The following AGO1 variants were observed in gnomAD, a reference collection of about 807,000 sequenced individuals.
AGO1 encodes argonaute RISC component 1.
AGO1 carries 11 observed loss-of-function variants against 109.2 expected under a neutral mutation model. That is an observed-to-expected ratio of 0.10 (90% CI 0.06 to 0.17). The LOEUF (loss-of-function observed/expected upper bound fraction) is 0.17. AGO1 is among the 10% of genes least tolerant of loss of function. The probability of loss-of-function intolerance (pLI) is 1.00; values close to 1 mark genes in which losing one functional copy is unlikely to be tolerated. For missense variants in AGO1, 574 were observed against 1,140.3 expected (o/e 0.50, Z 7.15); for synonymous variants, 422 against 418.6 (o/e 1.01, Z -0.10).
chr1:35,894,488 C>T, intron 7 of AGO1, 86 bp downstream of exon 7: 1 of 1,355,308 alleles, frequency 7.4e-7, no homozygotes, highest in Non-Finnish European at 1.0e-6. Flanking sequence ...CCCTCCCCCA[C>T]TGGCCTTGAG....
chr1:35,914,041 A>C, intron 13 of AGO1, 40 bp downstream of exon 13: 1 of 1,612,096 alleles, frequency 6.2e-7, no homozygotes, highest in Non-Finnish European at 8.5e-7. Flanking sequence ...TCAAGGTACC[A>C]TGCTGGGAAT....
intron 14 of AGO1, among the ~76,000 whole-genome samples, chr1:35,914,539 C>T (rs539417742): frequency 4.6e-5 from 7 of 152,128 alleles, no homozygotes; most frequent in Admixed American, 6.5e-5. Flanking sequence ...TCTTTCTTTC[C>T]CCATGCCTGC....
chr1:35,893,241 G>A lies in AGO1; in HGVS notation c.475G>A (p.Ala159Thr), dbSNP rs1275859576. 6.2e-7 allele frequency: 1 copy of A among 1,614,076 alleles called. No individual in the cohort carries two copies. Among genetic ancestry groups the A allele is most frequent in the South Asian group, 1.1e-5 (1 of 91,090 alleles). The change falls in exon 4 of 19, where the codon GCC becomes ACC. Residue 159 changes from alanine to threonine, a missense_variant. By Grantham distance (58) the Ala-to-Thr change is moderately conservative. Around this residue, in one of 8 missense-constraint regions of AGO1, gnomAD observed 129 missense variants for 243.0 expected, o/e 0.53. Transcript: ENST00000373204. The surrounding 1 kb of genome is among the most constrained non-coding windows in gnomAD (Gnocchi z 5.6). ...QIPVPLESVQ[A>T]LDVAMRHLAS... ...CCCTGTTCCCTTGGAGTCTGTGCAA[G>A]CCCTGGATGTGGCCATGAGGCACCT...
chr1:35,904,379 A>C lies in AGO1; in HGVS notation c.1397+2042A>C, dbSNP rs117154285. Among the ~76,000 whole-genome samples, 15 of 152,286 alleles carry C rather than the reference A, an allele frequency of 9.8e-5. No individual in the cohort carries two copies. The East Asian group carries it at 2.9e-3, about 29-fold the overall frequency. ...CTCGGCCTTCCAAAGTACTGGGATC[A>C]CAGGCGTGAGCCATCGTGCCTGGCC... On this transcript the variant is annotated intron_variant, in intron 11 of 18. Coordinates refer to ENST00000373204, the MANE Select transcript of AGO1 (RefSeq NM_012199.5).
At chr1:35,918,570 C>T (rs553957640) in intron 17 of AGO1, 147 bp downstream of exon 17, 24 of 769,186 alleles carry the variant, frequency 3.1e-5, no homozygotes, top group Middle Eastern at 5.4e-4. Context: ...TGTTTTGAGG[C>T]GGAGTCTCAC....
chr1:35,903,131 C>T (rs910660815), intron 11 of AGO1, among the ~76,000 whole-genome samples: 5 of 151,566 alleles, frequency 3.3e-5, no homozygotes, highest in South Asian at 2.1e-4. Context: ...CTCAGCCTCC[C>T]GAGTAGCTGG....
rs201645326 is a variant in AGO1, at chr1:35,871,926, C to T, written c.-201+2023C>T. Among the ~76,000 whole-genome samples the T allele has an allele frequency of 5.3e-5, 8 of 151,238 alleles. No individual in the cohort carries two copies. In the East Asian group the frequency reaches 1.0e-3, roughly 19 times the overall value. ...CTACTAAAAATACAAAAAAATTAGC[C>T]GGGTGTGGTGGCGGGCGCCTGTAGT... On this transcript the variant is annotated intron_variant, in intron 1 of 18. Transcript: ENST00000373206.
At position 35,883,395 on chromosome 1, in the gene AGO1, C is replaced by T. The variant is rs1277181222; in HGVS notation, c.-27C>T. 6.3e-7 allele frequency: 1 copy of T among 1,580,490 alleles called. No individual in the cohort carries two copies. The highest frequency in any genetic ancestry group is 8.6e-7 in the Non-Finnish European group (1 of 1,165,260). The stretch of plus-strand genomic sequence containing the variant: ...ACGCTGGACTTCACAGTCTCCGGGC[C>T]GCCTGACCTCCGCACGGGTATATGG... On this transcript the variant is annotated 5_prime_UTR_variant, in exon 1 of 19. Transcript: ENST00000373204. The surrounding 1 kb of genome is among the most constrained non-coding windows in gnomAD (Gnocchi z 5.4).
At chr1:35,918,976 C>G (rs1469885086) in intron 17 of AGO1, 79 bp from the exon 18 acceptor site, 1 of 1,306,254 alleles carries the variant, frequency 7.7e-7, no homozygotes, top group Non-Finnish European at 1.1e-6. Flanking sequence ...CAGCCATATT[C>G]TTAACAGTGA....
chr1:35,893,405 T>C lies in AGO1; in HGVS notation c.512+127T>C, dbSNP rs537465425. ...AAAAAATTATTTGAAGCCCTACCAC[T>C]TGCCAGGCAAATGTGTATTTATATT... On this transcript the variant is annotated intron_variant, in intron 4 of 18. Coordinates refer to ENST00000373204, the MANE Select transcript of AGO1 (RefSeq NM_012199.5). This position sits in a 1 kb window ranked among gnomAD's most constrained non-coding sequence, Gnocchi z 5.6. 4.7e-6 allele frequency: 5 copies of C among 1,067,924 alleles called. No homozygotes were observed. The East Asian group carries it at 7.5e-5, about 16-fold the overall frequency. 66.2% of individuals were successfully genotyped at this position (1,067,924 alleles called of 1,614,324 possible). A position where few individuals can be genotyped will look rare whatever the true frequency, so the allele number is the denominator to read the frequency against.
At chr1:35,899,600 G>A (rs1645379467) in intron 8 of AGO1, among the ~76,000 whole-genome samples, 1 of 152,220 alleles carries the variant, frequency 6.6e-6, no homozygotes, top group Non-Finnish European at 1.5e-5. Flanking sequence ...ACCTTTAAGA[G>A]AGCAATCTCA....
rs1167074194 is a variant in AGO1, at chr1:35,926,101, A to G, written c.*6494A>G. On this transcript the variant is annotated 3_prime_UTR_variant, in exon 19 of 19. Coordinates refer to ENST00000373204, the MANE Select transcript of AGO1 (RefSeq NM_012199.5). ...CATGGAGCAGATTTTGACCAGTTGAAATAAGACATAAATTTATGACTCCGA... is the reference window on the plus strand; with the variant it reads ...CATGGAGCAGATTTTGACCAGTTGAGATAAGACATAAATTTATGACTCCGA... 6.6e-6 allele frequency: 1 copy of G among 152,202 alleles called. No homozygotes were observed. Among genetic ancestry groups the G allele is most frequent in the African/African-American group, 2.4e-5 (1 of 41,456 alleles). The allele number at this position is 152,202 out of a possible 1,614,324, so 9.4% of individuals were successfully genotyped here.
chr1:35,908,676 C>T (rs556056405), intron 12 of AGO1, among the ~76,000 whole-genome samples: 1 of 152,332 alleles, frequency 6.6e-6, no homozygotes, highest in South Asian at 2.1e-4. Context: ...TTTGACATCA[C>T]AGTTGCTTCT....
Position 35,893,226 on chromosome 1 carries a change from T to C in AGO1, c.460T>C (p.Leu154=), listed in dbSNP as rs1348951466. 6.8e-6 allele frequency: 11 copies of C among 1,613,992 alleles called. No homozygotes were observed. Among genetic ancestry groups the C allele is most frequent in the Non-Finnish European group, 9.3e-6 (11 of 1,180,006 alleles). The change falls in exon 4 of 19, where the codon TTG becomes CTG. Residue 154 remains leucine, a synonymous_variant. Transcript: ENST00000373204. The surrounding 1 kb of genome is among the most constrained non-coding windows in gnomAD (Gnocchi z 5.6). Reference sequence around the variant, plus strand: ...GGTCAGCGGCCAGATCCCTGTTCCCTTGGAGTCTGTGCAAGCCCTGGATGT... The same window carrying C: ...GGTCAGCGGCCAGATCCCTGTTCCCCTGGAGTCTGTGCAAGCCCTGGATGT... The part of the protein sequence containing the change: ...ALVSGQIPVP[L]ESVQALDVAM...
Position 35,917,661 on chromosome 1 carries a change from G to T in AGO1, c.2097G>T (p.Gly699=). The stretch of plus-strand genomic sequence containing the variant: ...AACTGGAAAAGGACTACCAGCCTGG[G>T]ATCACTTATATTGTGGTGCAGAAAC... ...CIKLEKDYQP[G]ITYIVVQKRH... is the part of the protein sequence containing the mutation. Residue 699 remains glycine (G), a synonymous_variant, in exon 16 of 19, where the codon GGG becomes GGT. Transcript: ENST00000373204. The T allele has an allele frequency of 6.2e-7, 1 of 1,613,904 alleles. No homozygotes were observed. Among genetic ancestry groups the T allele is most frequent in the Admixed American group, 1.7e-5 (1 of 60,024 alleles).
At position 35,891,560 on chromosome 1, in the gene AGO1, T is replaced by G. The variant is rs186860419; in HGVS notation, c.210-997T>G. Among the ~76,000 whole-genome samples the G allele has an allele frequency of 5.4e-3, 815 of 152,266 alleles. 3 individuals are homozygous for G. The highest frequency in any genetic ancestry group is 9.5e-3 in the Non-Finnish European group (645 of 68,006). On this transcript the variant is annotated intron_variant, in intron 2 of 18. Coordinates refer to ENST00000373204, the MANE Select transcript of AGO1 (RefSeq NM_012199.5). ...TTTGTTTTGTTTTGTTTTAATTTAT[T>G]TTTTATTTTTTATTTTTTTTTTGAG...
chr1:35,915,451 A>T lies in AGO1; in HGVS notation c.1937A>T (p.Glu646Val). The T allele has an allele frequency of 1.2e-6, 2 of 1,614,046 alleles. No homozygotes were observed. Among genetic ancestry groups the T allele is most frequent in the Non-Finnish European group, 8.5e-7 (1 of 1,180,018 alleles). ...IIEDLSYMVR[E>V]LLIQFYKSTR... ...GAAGACTTGTCCTACATGGTGCGTG[A>T]GCTCCTCATCCAATTCTACAAGTCC... is the stretch of plus-strand genomic sequence containing the variant. The change falls in exon 15 of 19, where the codon GAG (glutamate) becomes GTG (valine). Residue 646 changes from glutamate to valine, a missense_variant. Transcript: ENST00000373204.
At chr1:35,900,748 A>G (rs1356087196) in intron 8 of AGO1, among the ~76,000 whole-genome samples, 2 of 151,694 alleles carry the variant, frequency 1.3e-5, no homozygotes, top group African/African-American at 4.8e-5. Context: ...AAATAAATAC[A>G]TAAGTACAAA....
chr1:35,911,548 A>T (rs1373345047), intron 12 of AGO1, among the ~76,000 whole-genome samples: 1 of 151,630 alleles, frequency 6.6e-6, no homozygotes, highest in Non-Finnish European at 1.5e-5. Context: ...TTGTTTTCTT[A>T]GCATTCTCTG....
Sources: gnomAD v4.1 joint callset for allele counts (sites outside exome capture counted in the v4.1 genomes callset) on GRCh38, gnomAD v4.1.1 for gene constraint, gnomAD v4.1.1 regional missense constraint, Gnocchi (gnomAD v3.1) non-coding constraint, MANE v1.5 for transcripts, NCBI Gene and HGNC (gene_info 2026-07-23, HGNC 2026-07-21) for gene names.